The following FGF14 variants were observed in gnomAD, a reference collection of about 807,000 sequenced individuals.
FGF14 encodes the protein fibroblast growth factor homologous factor 4.
FGF14 carries 5 observed loss-of-function variants against 25.5 expected under a neutral mutation model. The observed-to-expected ratio is 0.20, with a 90% CI of 0.10 to 0.41. The LOEUF is 0.41. Ranked by LOEUF, FGF14 falls within the 10% of genes least tolerant of loss-of-function variation. The pLI is 1.00. For missense variants in FGF14, 222 were observed against 320.1 expected, an observed-to-expected ratio of 0.69 and a Z score of 2.34; for synonymous variants, 138 against 118.3, an observed-to-expected ratio of 1.17 and a Z score of -1.08.
At chr13:102,193,282 G>T (rs938290135) in intron 1 of FGF14, among the ~76,000 whole-genome samples, 1 of 152,134 alleles carries the variant, frequency 6.6e-6, no homozygotes, top group Non-Finnish European at 1.5e-5. Flanking sequence ...CATGCGTGTG[G>T]AATGAGAAGC....
intron 1 of FGF14, among the ~76,000 whole-genome samples, chr13:102,053,705 T>C (rs930791775): frequency 6.6e-6 from 1 of 152,116 alleles, no homozygotes; most frequent in Admixed American, 6.5e-5. Context: ...AGACAAAAAT[T>C]ACGTCAGTTT....
chr13:102,165,016 T>G (rs2047936844), intron 1 of FGF14, among the ~76,000 whole-genome samples: 1 of 151,918 alleles, frequency 6.6e-6, no homozygotes, highest in South Asian at 2.1e-4. Context: ...CAGCAACCAA[T>G]GAGTGACCTA....
intron 3 of FGF14, among the ~76,000 whole-genome samples, chr13:101,753,029 A>G (rs1182436197): frequency 6.6e-6 from 1 of 152,170 alleles, no homozygotes; most frequent in Non-Finnish European, 1.5e-5. Context: ...TGGTTTGATA[A>G]TTGTTTAGTA....
intron 4 of FGF14, among the ~76,000 whole-genome samples, chr13:101,724,632 A>ATATATATATATATATATAT (rs2035268049): frequency 2.2e-5 from 3 of 133,440 alleles, no homozygotes; most frequent in Admixed American, 8.3e-5. Context: ...ATATATATAT[A>ATATATATATATATATATAT]AAACAAAGAT....
chr13:101,815,970 G>A (rs1239795138), intron 3 of FGF14, among the ~76,000 whole-genome samples: 2 of 151,344 alleles, frequency 1.3e-5, no homozygotes, highest in Non-Finnish European at 2.9e-5. Context: ...TCATTGTGAA[G>A]GCTATTAAAA....
chr13:102,108,305 T>A (rs546522159), intron 1 of FGF14, among the ~76,000 whole-genome samples: 1 of 152,210 alleles, frequency 6.6e-6, no homozygotes, highest in African/African-American at 2.4e-5. Context: ...CCACCCACAT[T>A]TTCCTACTTA....
chr13:102,079,980 T>C (rs1269262012), intron 1 of FGF14, among the ~76,000 whole-genome samples: 1 of 152,112 alleles, frequency 6.6e-6, no homozygotes, highest in East Asian at 1.9e-4. Context: ...TAGACTGTAA[T>C]AGCTGGAGCA....
rs2056778563 is a variant in FGF14, at chr13:102,336,033, G to A, written c.208+65438C>T. Among the ~76,000 whole-genome samples, 11 of 152,164 alleles carry A rather than the reference G, an allele frequency of 7.2e-5. No homozygotes were observed. In the South Asian group the frequency reaches 2.3e-3, roughly 32 times the overall value. ...GCCCTCTCTATTCCCTGAAACACAA[G>A]AATATTGAGATGAGGCCAATTAAGA... On this transcript the variant is annotated intron_variant, in intron 1 of 4. Transcript: ENST00000376131.
Position 101,722,573 on chromosome 13 carries a change from A to AAGAT in FGF14, c.*254_*257dup, listed in dbSNP as rs2035065639. The AAGAT allele has an allele frequency of 1.9e-6, 1 of 519,540 alleles. No individual in the cohort carries two copies. The highest frequency in any genetic ancestry group is 3.5e-6 in the Non-Finnish European group (1 of 285,524). The allele number at this position is 519,540 out of a possible 1,614,324, so 32.2% of individuals were successfully genotyped here. On this transcript the variant is annotated 3_prime_UTR_variant, in exon 5 of 5. Transcript: ENST00000376143. ...CACATGAAGTGTCACAGTCACAGAA[A>AAGAT]AGATATTAAAAAGGCATTCCATATC...
intron 3 of FGF14, among the ~76,000 whole-genome samples, chr13:101,812,768 G>A (rs1360703447): frequency 1.4e-5 from 2 of 144,860 alleles, no homozygotes; most frequent in Non-Finnish European, 3.0e-5. Flanking sequence ...CCTGGTTCAA[G>A]CAATTCTCCT....
rs573037582 is a variant in FGF14 at position 101,865,302 on chromosome 13, C to T, written c.408+3423G>A. On this transcript the variant is annotated intron_variant, in intron 3 of 4. Transcript: ENST00000376143. ...AACAAGCAAACAAAAAACTTGACTGCTTCTCTCAGCACTAGAAATAGTGAT... is the reference window on the plus strand; with the variant it reads ...AACAAGCAAACAAAAAACTTGACTGTTTCTCTCAGCACTAGAAATAGTGAT... Among the ~76,000 whole-genome samples, 5 of 152,204 alleles carry T rather than the reference C, an allele frequency of 3.3e-5. No homozygotes were observed. The South Asian group carries it at 8.3e-4, about 25-fold the overall frequency.
chr13:102,166,958 G>T (rs1247031075), intron 1 of FGF14, among the ~76,000 whole-genome samples: 1 of 151,980 alleles, frequency 6.6e-6, no homozygotes, highest in Non-Finnish European at 1.5e-5. Flanking sequence ...TGGGGAAGAG[G>T]TATTGCAAAC....
Position 101,721,234 on chromosome 13 carries a change from G to GAAAC in FGF14, c.*1593_*1596dup, listed in dbSNP as rs1555369289. On this transcript the variant is annotated 3_prime_UTR_variant, in exon 5 of 5. Transcript: ENST00000376143. Reference sequence around the variant, plus strand: ...AATAAATTCCCAAACAGTTTAGTATGAAACATTTTGAACCCCTTTAGATCC... The same window carrying GAAAC: ...AATAAATTCCCAAACAGTTTAGTATGAAACAAACATTTTGAACCCCTTTAGATCC... 1 of 152,098 alleles carries GAAAC rather than the reference G, an allele frequency of 6.6e-6. No homozygotes were observed. Among genetic ancestry groups the GAAAC allele is most frequent in the Non-Finnish European group, 1.5e-5 (1 of 68,004 alleles). 9.4% of individuals were successfully genotyped at this position (152,098 alleles called of 1,614,324 possible).
chr13:102,044,319 C>T (rs2041880095), intron 1 of FGF14, among the ~76,000 whole-genome samples: 1 of 151,940 alleles, frequency 6.6e-6, no homozygotes, highest in Non-Finnish European at 1.5e-5. Context: ...GATTCCTTTC[C>T]TATTGTTTCT....
chr13:102,066,043 A>G (rs1473307240), intron 1 of FGF14, among the ~76,000 whole-genome samples: 3 of 152,114 alleles, frequency 2.0e-5, no homozygotes, highest in African/African-American at 4.8e-5. Flanking sequence ...ATTTTACCAT[A>G]TTTCACATAT....
At chr13:101,880,639 T>C (rs1011283176) in intron 1 of FGF14, among the ~76,000 whole-genome samples, 3 of 152,128 alleles carry the variant, frequency 2.0e-5, no homozygotes, top group African/African-American at 7.2e-5. Flanking sequence ...GAGTTTGCTG[T>C]TTATTGAGGA....
intron 1 of FGF14, among the ~76,000 whole-genome samples, chr13:101,986,251 T>C (rs554136376): frequency 2.6e-5 from 4 of 152,182 alleles, no homozygotes; most frequent in Admixed American, 2.6e-4. Flanking sequence ...AGCGCACAAG[T>C]TTTTCAATTT....
chr13:101,966,950 C>T lies in FGF14; in HGVS notation c.209-91654G>A, dbSNP rs77476598. Among the ~76,000 whole-genome samples the T allele has an allele frequency of 9.4e-4, 143 of 152,112 alleles. 2 individuals carry two copies. The highest frequency in any genetic ancestry group is 3.4e-3 in the Middle Eastern group (1 of 294). ...AGGAATGCCTAAGAATATTACTCTACGAGTGTAAGAATTTGGTTTGTCAGT... is the reference window on the plus strand; with the variant it reads ...AGGAATGCCTAAGAATATTACTCTATGAGTGTAAGAATTTGGTTTGTCAGT... On this transcript the variant is annotated intron_variant, in intron 1 of 4. Coordinates refer to the FGF14 transcript ENST00000376131.
At chr13:101,797,567 A>G (rs1207241731) in intron 3 of FGF14, among the ~76,000 whole-genome samples, 1 of 152,120 alleles carries the variant, frequency 6.6e-6, no homozygotes, top group Non-Finnish European at 1.5e-5. Flanking sequence ...CAGAGAGCGC[A>G]TCATATTAGC....
Sources: allele counts gnomAD v4.1 joint callset (sites outside exome capture counted in the v4.1 genomes callset), GRCh38; gene constraint gnomAD v4.1.1; transcripts MANE v1.5; gene names NCBI Gene and HGNC (gene_info 2026-07-23, HGNC 2026-07-21).